Variants in BPIFC observed in about 807,000 individuals in gnomAD.
BPIFC encodes the protein BPI fold-containing family C protein.
Under a neutral mutation model 57.6 loss-of-function variants are expected in BPIFC, and 60 were observed. That is an observed-to-expected ratio of 1.04 (90% CI 0.85 to 1.29). BPIFC has a LOEUF of 1.29. Among genes scored for constraint, BPIFC ranks in the 50% most tolerant of loss-of-function variants. BPIFC has a pLI of 0.00. For synonymous variants in BPIFC, 243 were observed against 224.5 expected, an observed-to-expected ratio of 1.08 and a Z score of -0.74; for missense variants, 581 against 600.5, an observed-to-expected ratio of 0.97 and a Z score of 0.34.
intron 13 of BPIFC, among the ~76,000 whole-genome samples, chr22:32,428,122 C>T (rs944378713): frequency 2.6e-5 from 4 of 151,978 alleles, no homozygotes; most frequent in Non-Finnish European, 5.9e-5. Flanking sequence ...GCACTTTTGT[C>T]TTTGGGGACC....
At chr22:32,435,634 T>C in intron 10 of BPIFC, 70 bp downstream of exon 10, 1 of 1,489,512 alleles carries the variant, frequency 6.7e-7, no homozygotes, top group South Asian at 1.3e-5. Context: ...GCATAAAAGT[T>C]CTACAATAGG....
At chr22:32,443,250 G>A (rs1196656452) in intron 7 of BPIFC, among the ~76,000 whole-genome samples, 1 of 147,652 alleles carries the variant, frequency 6.8e-6, no homozygotes, top group African/African-American at 2.5e-5. Context: ...TGCAAGCTCC[G>A]CCTCCCTGGT....
intron 11 of BPIFC, among the ~76,000 whole-genome samples, chr22:32,433,234 C>G (rs1934298416): frequency 6.6e-6 from 1 of 152,104 alleles, no homozygotes. Flanking sequence ...AAATCTAGGT[C>G]TATCTGACTC....
intron 4 of BPIFC, among the ~76,000 whole-genome samples, chr22:32,452,412 C>T (rs573899629): frequency 1.3e-5 from 2 of 152,016 alleles, no homozygotes; most frequent in Non-Finnish European, 2.9e-5. Flanking sequence ...CAAAGGCGGC[C>T]GATCACTAGG....
intron 13 of BPIFC, among the ~76,000 whole-genome samples, chr22:32,429,281 A>G (rs1263313581): frequency 6.7e-6 from 1 of 149,454 alleles, no homozygotes; most frequent in East Asian, 2.0e-4. Context: ...ATCTCGGCTC[A>G]CTGCAAGCTC....
At chr22:32,452,838 A>G (rs1217395640) in intron 4 of BPIFC, among the ~76,000 whole-genome samples, 3 of 152,154 alleles carry the variant, frequency 2.0e-5, no homozygotes, top group Non-Finnish European at 2.9e-5. Flanking sequence ...CTTGACCTTT[A>G]AGACTGAGCT....
intron 4 of BPIFC, among the ~76,000 whole-genome samples, chr22:32,448,774 C>A (rs1934805046): frequency 1.3e-5 from 2 of 151,906 alleles, no homozygotes; most frequent in Admixed American, 6.6e-5. Flanking sequence ...CCCGTGTCTA[C>A]TAAAAATATA....
intron 3 of BPIFC, among the ~76,000 whole-genome samples, chr22:32,454,447 T>C (rs1212257256): frequency 6.6e-6 from 1 of 152,182 alleles, no homozygotes; most frequent in African/African-American, 2.4e-5. Flanking sequence ...CTGCTTTTGT[T>C]TCATCCTGGA....
chr22:32,439,637 CAG>C, intron 8 of BPIFC, among the ~76,000 whole-genome samples: 1 of 151,436 alleles, frequency 6.6e-6, no homozygotes, highest in South Asian at 2.1e-4. Flanking sequence ...TTTTTTGAGA[CAG>C]AGTCTTGCTC....
At chr22:32,454,368 G>A (rs1256256598) in intron 3 of BPIFC, among the ~76,000 whole-genome samples, 1 of 152,146 alleles carries the variant, frequency 6.6e-6, no homozygotes, top group Non-Finnish European at 1.5e-5. Context: ...TCTCGTTTTT[G>A]AAGGGAGAGA....
At chr22:32,446,357 AT>A (rs1934729582) in intron 5 of BPIFC, among the ~76,000 whole-genome samples, 1 of 152,234 alleles carries the variant, frequency 6.6e-6, no homozygotes, top group African/African-American at 2.4e-5. Flanking sequence ...AAGGGCATAG[AT>A]GAAAAAGTGA....
At chr22:32,447,988 C>T (rs373315227) in intron 4 of BPIFC, among the ~76,000 whole-genome samples, 11 of 152,140 alleles carry the variant, frequency 7.2e-5, no homozygotes, top group African/African-American at 7.2e-5. Context: ...ACATTGCCAT[C>T]ATTATTTTTC....
intron 2 of BPIFC, among the ~76,000 whole-genome samples, chr22:32,460,676 C>G (rs931012244): frequency 4.6e-5 from 7 of 152,214 alleles, no homozygotes; most frequent in African/African-American, 1.7e-4. Context: ...ATCCCTAAGG[C>G]CCATTTAAAG....
At chr22:32,463,218 A>G (rs778523611) in intron 1 of BPIFC, among the ~76,000 whole-genome samples, 1 of 152,202 alleles carries the variant, frequency 6.6e-6, no homozygotes, top group Non-Finnish European at 1.5e-5. Context: ...ACTTATGGGC[A>G]GGGGAGGAAA....
At chr22:32,445,533 T>C in intron 7 of BPIFC, 102 bp downstream of exon 7, 1 of 1,259,994 alleles carries the variant, frequency 7.9e-7, no homozygotes, top group Admixed American at 2.0e-5. Context: ...CGAGACTCTG[T>C]CTCAAAAAAA....
At chr22:32,426,394 G>A (rs184596339) in intron 13 of BPIFC, among the ~76,000 whole-genome samples, 4 of 152,262 alleles carry the variant, frequency 2.6e-5, no homozygotes, top group African/African-American at 9.6e-5. Context: ...CAGAGCCCAG[G>A]GCTGTCATTT....
chr22:32,442,797 G>C, intron 7 of BPIFC, 66 bp from the exon 8 acceptor site: 1 of 1,465,014 alleles, frequency 6.8e-7, no homozygotes, highest in Non-Finnish European at 9.4e-7. Flanking sequence ...CTTATTGATG[G>C]GCCTAGACCC....
intron 8 of BPIFC, among the ~76,000 whole-genome samples, chr22:32,438,901 C>A (rs1934484748): frequency 6.6e-6 from 1 of 151,852 alleles, no homozygotes; most frequent in South Asian, 2.1e-4. Context: ...AAAATAAAGT[C>A]CACTAAATTG....
Position 32,442,719 on chromosome 22 carries a change from T to C in BPIFC, c.607A>G (p.Ile203Val), listed in dbSNP as rs768175616. The C allele has an allele frequency of 3.1e-6, 5 of 1,613,832 alleles. No homozygotes were observed. The highest frequency in any genetic ancestry group is 4.2e-6 in the Non-Finnish European group (5 of 1,179,902). ...KNLNEMLCPI[I>V]ASEVKALNAN... ...TTTAGCGCTTTGACTTCACTTGCAA[T>C]AATGGGACAGAGCTGGCCACAAAGG... Residue 203 changes from isoleucine to valine, a missense_variant, in exon 8 of 17, where the codon ATT becomes GTT. Transcript: ENST00000300399.
Sources: allele counts gnomAD v4.1 joint callset (sites outside exome capture counted in the v4.1 genomes callset), GRCh38; gene constraint gnomAD v4.1.1; transcripts MANE v1.5; gene names NCBI Gene and HGNC (gene_info 2026-07-23, HGNC 2026-07-21).